The following NRXN1 variants were observed in gnomAD, a reference collection of about 807,000 sequenced individuals.
NRXN1 encodes the protein neurexin-1.
NRXN1 carries 39 observed loss-of-function variants against 150.9 expected under a neutral mutation model. The ratio of observed to expected loss-of-function variants is 0.26; its 90% CI spans 0.20 to 0.34. The LOEUF is 0.34. Among genes scored for constraint, NRXN1 ranks in the 10% least tolerant of loss-of-function variants. The pLI is 1.00. For synonymous variants in NRXN1, 924 were observed against 757.0 expected (o/e 1.22, Z -3.62); for missense variants, 1,815 against 1,949.9 (o/e 0.93, Z 1.30).
At chr2:49,972,402 T>C (rs931020581) in intron 21 of NRXN1, among the ~76,000 whole-genome samples, 1 of 152,204 alleles carries the variant, frequency 6.6e-6, no homozygotes, top group African/African-American at 2.4e-5. Context: ...GGCCATCTAT[T>C]AAAAAGTCAG....
At chr2:50,973,040 G>T (rs958312665) in intron 2 of NRXN1, among the ~76,000 whole-genome samples, 1 of 152,144 alleles carries the variant, frequency 6.6e-6, no homozygotes, top group African/African-American at 2.4e-5. Context: ...GGGTATCTTT[G>T]TCATGGTGTC....
At chr2:50,218,494 T>C (rs1395082094) in intron 18 of NRXN1, among the ~76,000 whole-genome samples, 1 of 151,210 alleles carries the variant, frequency 6.6e-6, no homozygotes, top group Non-Finnish European at 1.5e-5. Context: ...CACCTTCTTT[T>C]TTTTTTTTTT....
intron 15 of NRXN1, among the ~76,000 whole-genome samples, chr2:50,490,109 A>C (rs2091161005): frequency 6.6e-6 from 1 of 152,172 alleles, no homozygotes; most frequent in African/African-American, 2.4e-5. Flanking sequence ...GAGTAACAAT[A>C]TATCAAGTCT....
chr2:50,605,800 CAA>C (rs147946249), intron 8 of NRXN1, among the ~76,000 whole-genome samples: 1 of 147,886 alleles, frequency 6.8e-6, no homozygotes, highest in African/African-American at 2.5e-5. Flanking sequence ...AATATTCAGC[CAA>C]AAAAAAAATG....
At chr2:50,676,792 C>G (rs1689612234) in intron 5 of NRXN1, among the ~76,000 whole-genome samples, 1 of 152,098 alleles carries the variant, frequency 6.6e-6, no homozygotes, top group Non-Finnish European at 1.5e-5. Context: ...GCCAGATAAG[C>G]TTTCTGAAGT....
chr2:50,625,421 T>C (rs1391418879), intron 5 of NRXN1, among the ~76,000 whole-genome samples: 1 of 152,084 alleles, frequency 6.6e-6, no homozygotes, highest in African/African-American at 2.4e-5. Flanking sequence ...GAGTAAGTCA[T>C]AGGAAAGACC....
At chr2:51,006,519 C>T (rs932829437) in intron 2 of NRXN1, among the ~76,000 whole-genome samples, 2 of 151,454 alleles carry the variant, frequency 1.3e-5, no homozygotes, top group African/African-American at 4.9e-5. Context: ...ACGTTGTGCA[C>T]ATGTACCCTA....
At chr2:50,191,106 A>G (rs2061414075) in intron 18 of NRXN1, among the ~76,000 whole-genome samples, 1 of 151,460 alleles carries the variant, frequency 6.6e-6, no homozygotes, top group South Asian at 2.1e-4. Flanking sequence ...TCAGCTCACT[A>G]TAACCTCCGC....
chr2:50,536,710 C>T (rs72882072), intron 10 of NRXN1, among the ~76,000 whole-genome samples: 2,379 of 152,266 alleles, frequency 0.016, 58 homozygotes, highest in African/African-American at 0.053. Flanking sequence ...TTATGCGTAA[C>T]TGTATTATAC....
intron 21 of NRXN1, among the ~76,000 whole-genome samples, chr2:50,008,731 T>C (rs968894040): frequency 5.9e-5 from 9 of 152,088 alleles, no homozygotes; most frequent in Non-Finnish European, 8.8e-5. Flanking sequence ...AAACCCTGCA[T>C]AGGAAGGAGA....
At chr2:49,953,833 A>G (rs1674430289) in intron 21 of NRXN1, among the ~76,000 whole-genome samples, 1 of 151,980 alleles carries the variant, frequency 6.6e-6, no homozygotes, top group South Asian at 2.1e-4. Context: ...CGGGAGGGCA[A>G]CATCACACAC....
At chr2:50,270,868 A>G (rs2069519960) in intron 17 of NRXN1, among the ~76,000 whole-genome samples, 1 of 152,086 alleles carries the variant, frequency 6.6e-6, no homozygotes, top group African/African-American at 2.4e-5. Context: ...CACGTTGGCC[A>G]GGCTGGTGGC....
chr2:50,124,469 T>C (rs900467423), intron 18 of NRXN1, among the ~76,000 whole-genome samples: 1 of 152,170 alleles, frequency 6.6e-6, no homozygotes, highest in Non-Finnish European at 1.5e-5. Flanking sequence ...CTTTTTCCCA[T>C]TGTTAATACG....
intron 5 of NRXN1, among the ~76,000 whole-genome samples, chr2:50,803,717 C>T (rs1014556448): frequency 3.9e-5 from 6 of 152,144 alleles, no homozygotes; most frequent in Non-Finnish European, 8.8e-5. Flanking sequence ...CTCCTCATAT[C>T]ATCTTTAGTT....
intron 18 of NRXN1, among the ~76,000 whole-genome samples, chr2:50,229,221 C>A (rs1379694994): frequency 1.3e-5 from 2 of 151,960 alleles, no homozygotes; most frequent in African/African-American, 4.8e-5. Flanking sequence ...GTAGAATCAC[C>A]ATCATCATCT....
intron 17 of NRXN1, among the ~76,000 whole-genome samples, chr2:50,260,142 A>G (rs2068102046): frequency 6.6e-6 from 1 of 151,862 alleles, no homozygotes; most frequent in Non-Finnish European, 1.5e-5. Context: ...CTGTATCATA[A>G]CCACTACTTT....
chr2:49,922,196 G>A lies in NRXN1; in HGVS notation c.4272C>T (p.Ile1424=). 1 of 1,614,154 alleles carries A rather than the reference G, an allele frequency of 6.2e-7. No homozygotes were observed. The highest frequency in any genetic ancestry group is 8.5e-7 in the Non-Finnish European group (1 of 1,180,022). The part of the protein sequence containing the change: ...REPYPGSAEV[I]RESSSTTGMV... ...TACCCGTGGTGCTGCTGGACTCCCGGATCACTTCTGCTGAGCCTGGATACG... is the reference window on the plus strand; with the variant it reads ...TACCCGTGGTGCTGCTGGACTCCCGAATCACTTCTGCTGAGCCTGGATACG... The change falls in exon 23 of 23, where the codon ATC becomes ATT. Residue 1424 remains isoleucine, a synonymous_variant. Coordinates refer to ENST00000401669, the MANE Select transcript of NRXN1 (RefSeq NM_001330078.2).
intron 5 of NRXN1, among the ~76,000 whole-genome samples, chr2:50,892,269 A>G (rs2103840558): frequency 6.6e-6 from 1 of 152,282 alleles, no homozygotes; most frequent in Admixed American, 6.5e-5. Flanking sequence ...GCTTCATTAA[A>G]TGAAGTTTTG....
chr2:50,471,758 A>T (rs1285790587), intron 16 of NRXN1, among the ~76,000 whole-genome samples: 2 of 151,756 alleles, frequency 1.3e-5, no homozygotes, highest in East Asian at 1.9e-4. Flanking sequence ...GATGGAGAGG[A>T]TCAGGAAAAA....
Sources: allele counts gnomAD v4.1 joint callset (sites outside exome capture counted in the v4.1 genomes callset), GRCh38; gene constraint gnomAD v4.1.1; transcripts MANE v1.5; gene names NCBI Gene and HGNC (gene_info 2026-07-23, HGNC 2026-07-21).